Variants in BCAT1 observed in about 807,000 individuals in gnomAD.
BCAT1 encodes the protein branched chain amino acid transaminase 1.
A neutral mutation model predicts 52.4 loss-of-function variants in BCAT1; 48 were observed. The observed-to-expected ratio is 0.92, with a 90% CI of 0.73 to 1.16. The LOEUF (loss-of-function observed/expected upper bound fraction) is 1.16, where lower values mean the gene tolerates loss of function less well. Among genes scored for constraint, BCAT1 ranks in the 50% most tolerant of loss-of-function variants. BCAT1 has a pLI of 0.00. For synonymous variants in BCAT1, 167 were observed against 161.3 expected (o/e 1.04, Z -0.27); for missense variants, 451 against 457.1 (o/e 0.99, Z 0.12).
chr12:24,897,296 CAG>C (rs1437597257), intron 2 of BCAT1, among the ~76,000 whole-genome samples: 2 of 152,252 alleles, frequency 1.3e-5, no homozygotes, highest in Non-Finnish European at 2.9e-5. Context: ...CCCACTAATC[CAG>C]AGAGATCAAA....
intron 3 of BCAT1, among the ~76,000 whole-genome samples, chr12:24,887,563 C>G (rs977074370): frequency 3.3e-5 from 5 of 152,118 alleles, no homozygotes; most frequent in Admixed American, 6.6e-5. Context: ...ATAATGGTTA[C>G]CAGTAGAAAG....
chr12:24,908,982 G>A (rs988689565), intron 1 of BCAT1, among the ~76,000 whole-genome samples: 1 of 152,182 alleles, frequency 6.6e-6, no homozygotes, highest in Middle Eastern at 3.2e-3. Flanking sequence ...AAAGGACTTA[G>A]CAGTACTTAG....
chr12:24,926,424 C>T (rs1472860216), intron 1 of BCAT1, among the ~76,000 whole-genome samples: 1 of 151,972 alleles, frequency 6.6e-6, no homozygotes, highest in Non-Finnish European at 1.5e-5. Flanking sequence ...AAGTGAGGAG[C>T]CCCTCTGCCC....
In BCAT1 at chr12:24,841,787, C is replaced by T. The variant is rs531776408; in HGVS notation, c.817+295G>A. On this transcript the variant is annotated intron_variant, in intron 7 of 10. Transcript: ENST00000261192. ...AGCTGGGCATGGTGGCAGGCTCCTG[C>T]AATCCCAGCTACTCGGGAGGCTGAG... Among the ~76,000 whole-genome samples the T allele has an allele frequency of 7.9e-5, 12 of 152,030 alleles. No individual in the cohort carries two copies. The East Asian group carries it at 2.1e-3, about 27-fold the overall frequency.
At chr12:24,836,780 AAAG>A (rs1158099874) in intron 7 of BCAT1, among the ~76,000 whole-genome samples, 184 bp from the exon 8 acceptor site, 1 of 150,846 alleles carries the variant, frequency 6.6e-6, no homozygotes, top group Non-Finnish European at 1.5e-5. Context: ...TTATTTAAAA[AAAG>A]AAGAAAGAAG....
rs929427055 is a variant in BCAT1 at position 24,816,694 on chromosome 12, G to A, written c.*1314C>T. The A allele has an allele frequency of 1.5e-5, 6 of 396,208 alleles. No homozygotes were observed. The highest frequency in any genetic ancestry group is 8.8e-5 in the Admixed American group (2 of 22,648). 24.5% of individuals were successfully genotyped at this position (396,208 alleles called of 1,614,324 possible). On this transcript the variant is annotated 3_prime_UTR_variant, in exon 11 of 11. Transcript: ENST00000261192. Reference sequence around the variant, plus strand: ...TATCATGACCTCTCTCTAGAGCAGTGGTCCCCAACATTTTTGGCACCAGGG... The same window carrying A: ...TATCATGACCTCTCTCTAGAGCAGTAGTCCCCAACATTTTTGGCACCAGGG...
intron 3 of BCAT1, among the ~76,000 whole-genome samples, chr12:24,893,418 C>G (rs942695167): frequency 2.0e-5 from 3 of 152,030 alleles, no homozygotes; most frequent in African/African-American, 7.3e-5. Flanking sequence ...CATAAAGGTT[C>G]CTATGGAGCA....
chr12:24,816,438 C>A lies in BCAT1; in HGVS notation c.*1570G>T, dbSNP rs904970032. The A allele has an allele frequency of 7.5e-6, 3 of 397,634 alleles. No individual in the cohort carries two copies. Among genetic ancestry groups the A allele is most frequent in the African/African-American group, 4.1e-5 (2 of 48,528 alleles). The allele number at this position is 397,634 out of a possible 1,614,324, so 24.6% of individuals were successfully genotyped here. On this transcript the variant is annotated 3_prime_UTR_variant, in exon 11 of 11. Transcript: ENST00000261192. ...TTCCTTAGATAAACCACAAAGGATA[C>A]AATTTTAACTCACAGCTCCTAAACA...
intron 1 of BCAT1, among the ~76,000 whole-genome samples, chr12:24,943,377 C>T (rs1185861752): frequency 6.6e-6 from 1 of 150,682 alleles, no homozygotes; most frequent in Non-Finnish European, 1.5e-5. Flanking sequence ...CCTGTGGTCC[C>T]AGCTACTCAG....
At chr12:24,849,602 T>C (rs1400677350) in intron 6 of BCAT1, among the ~76,000 whole-genome samples, 184 bp downstream of exon 6, 1 of 152,224 alleles carries the variant, frequency 6.6e-6, no homozygotes, top group Admixed American at 6.5e-5. Flanking sequence ...GAATTCATAC[T>C]GCGTTTATAT....
chr12:24,886,038 T>G (rs1431223071), intron 3 of BCAT1, among the ~76,000 whole-genome samples: 1 of 152,078 alleles, frequency 6.6e-6, no homozygotes, highest in African/African-American at 2.4e-5. Context: ...CATCAAAAAA[T>G]TATAAAGACA....
chr12:24,892,005 C>T (rs1942857329), intron 3 of BCAT1, among the ~76,000 whole-genome samples: 1 of 152,074 alleles, frequency 6.6e-6, no homozygotes, highest in Admixed American at 6.5e-5. Context: ...GATCCGCCCG[C>T]CTTGGCCTCC....
At chr12:24,948,764 C>A (rs1847273294) in intron 1 of BCAT1, among the ~76,000 whole-genome samples, 163 bp downstream of exon 1, 1 of 152,230 alleles carries the variant, frequency 6.6e-6, no homozygotes. Flanking sequence ...ACGGTCCCCG[C>A]AAACTACGAT....
chr12:24,897,162 G>A (rs74580822), intron 2 of BCAT1, among the ~76,000 whole-genome samples: 2,002 of 152,170 alleles, frequency 0.013, 46 homozygotes, highest in African/African-American at 0.046. Flanking sequence ...AAAGGGGAAG[G>A]GTAGTAAAAC....
chr12:24,825,842 G>A (rs529957435), intron 10 of BCAT1, among the ~76,000 whole-genome samples: 1 of 152,252 alleles, frequency 6.6e-6, no homozygotes, highest in East Asian at 1.9e-4. Context: ...TTGCTGTGGA[G>A]AAGCTTTCCA....
chr12:24,920,746 G>A (rs931860648), intron 1 of BCAT1, among the ~76,000 whole-genome samples: 9 of 152,078 alleles, frequency 5.9e-5, no homozygotes, highest in African/African-American at 2.2e-4. Context: ...AGAGCACCCC[G>A]TCCTTCCAAC....
At chr12:24,834,896 C>T in intron 8 of BCAT1, 2 of 659,832 alleles carry the variant, frequency 3.0e-6, no homozygotes, top group Non-Finnish European at 3.8e-6. Flanking sequence ...GACAATTTCC[C>T]CTATCTGGCA....
At chr12:24,902,811 G>A in intron 1 of BCAT1, 1 of 1,269,416 alleles carries the variant, frequency 7.9e-7, no homozygotes, top group Non-Finnish European at 1.1e-6. Flanking sequence ...AAGACGCCTC[G>A]CTGGAGGCGG....
At chr12:24,867,204 C>A (rs2139544322) in intron 5 of BCAT1, among the ~76,000 whole-genome samples, 1 of 152,226 alleles carries the variant, frequency 6.6e-6, no homozygotes, top group African/African-American at 2.4e-5. Flanking sequence ...TCAGAAGGAA[C>A]AAACTCCAGA....
Sources: allele counts gnomAD v4.1 joint callset (sites outside exome capture counted in the v4.1 genomes callset), GRCh38; gene constraint gnomAD v4.1.1; transcripts MANE v1.5; gene names NCBI Gene and HGNC (gene_info 2026-07-23, HGNC 2026-07-21).